Variants in TWIST1 observed in about 807,000 individuals in gnomAD.
TWIST1 encodes twist family bHLH transcription factor 1.
In TWIST1, 8 loss-of-function variants were observed where a neutral mutation model predicts 12.9. The observed-to-expected ratio is 0.62, with a 90% CI of 0.37 to 1.12. The LOEUF is 1.12. Ranked by LOEUF, TWIST1 falls within the 50% of genes most tolerant of loss-of-function variation. The probability of loss-of-function intolerance (pLI) is 0.02; values close to 1 mark genes in which losing one functional copy is unlikely to be tolerated. For missense variants in TWIST1, 268 were observed against 299.7 expected (o/e 0.89, Z 0.78); for synonymous variants, 169 against 138.7 (o/e 1.22, Z -1.54).
chr7:19,114,474 G>A (rs138795134), downstream of TWIST1, among the ~76,000 whole-genome samples: 205 of 152,230 alleles, frequency 1.3e-3, 2 homozygotes, highest in African/African-American at 4.6e-3. Flanking sequence ...GCAGTAAATC[G>A]GATGTAAAAG....
At chr7:19,113,664 C>G (rs1179174761), downstream of TWIST1, 1 of 152,032 alleles carries the variant, frequency 6.6e-6, no homozygotes, top group African/African-American at 2.4e-5. Context: ...TCATTTATTT[C>G]TCTGAAAATC....
rs1008683492 is a variant in TWIST1 at position 19,117,251 on chromosome 7, G to A, written c.71C>T (p.Pro24Leu). 3.4e-6 allele frequency: 5 copies of A among 1,457,450 alleles called. No individual in the cohort carries two copies. In the African/African-American group the frequency reaches 5.9e-5, roughly 17 times the overall value. The allele number at this position is 1,457,450 out of a possible 1,614,324, so 90.3% of individuals were successfully genotyped here. Reference sequence around the variant, plus strand: ...GCCGCTCGGCGGCTGCTGCCGGTCTGGCTCTTCCTCGCTGTTGCTCAGGCT... The same window carrying A: ...GCCGCTCGGCGGCTGCTGCCGGTCTAGCTCTTCCTCGCTGTTGCTCAGGCT... ...DDSLSNSEEE[P>L]DRQQPPSGKR... is the part of the protein sequence containing the mutation. The change falls in exon 1 of 2, where the codon CCA becomes CTA. Residue 24 changes from proline to leucine, a missense_variant. Pro to Leu is a moderately conservative substitution (Grantham distance 98). Transcript: ENST00000242261.
chr7:19,113,563 T>C (rs1788511450), downstream of TWIST1: 1 of 152,202 alleles, frequency 6.6e-6, no homozygotes, highest in Non-Finnish European at 1.5e-5. Flanking sequence ...GGGTAGGGAT[T>C]AGAATCTGCA....
intron 1 of TWIST1, 60 bp downstream of exon 1, chr7:19,116,611 C>A: frequency 7.4e-7 from 1 of 1,356,352 alleles, no homozygotes; most frequent in Non-Finnish European, 1.0e-6. Context: ...GGAACCGCGG[C>A]CTGGCCGGCC....
rs1482586295 is a variant in TWIST1 at position 19,115,784 on chromosome 7, T to C, written c.*390A>G. The C allele has an allele frequency of 6.6e-6, 1 of 151,908 alleles. No homozygotes were observed. The highest frequency in any genetic ancestry group is 1.5e-5 in the Non-Finnish European group (1 of 67,946). 9.4% of individuals were successfully genotyped at this position (151,908 alleles called of 1,614,324 possible). Reference sequence around the variant, plus strand: ...ATAGAGAAAGTCCATAGTGATGCCTTTCCTTTCAGTGGCTGATTGGCACGA... The same window carrying C: ...ATAGAGAAAGTCCATAGTGATGCCTCTCCTTTCAGTGGCTGATTGGCACGA... On this transcript the variant is annotated 3_prime_UTR_variant, in exon 2 of 2. Transcript: ENST00000242261.
Position 19,117,192 on chromosome 7 carries a change from G to C in TWIST1, c.130C>G (p.Arg44Gly). The change falls in exon 1 of 2, where the codon CGC becomes GGC. Residue 44 changes from arginine to glycine, a missense_variant. Coordinates refer to ENST00000242261, the MANE Select transcript of TWIST1 (RefSeq NM_000474.4). ...GGCCCCGCGCCGCCGCCCGCGCTGC[G>C]CCTGCTGCTGCGCCGCTTGCGTCCC... ...RGGRKRRSSR[R>G]SAGGGAGPGG... 1 of 1,231,390 alleles carries C rather than the reference G, an allele frequency of 8.1e-7. No individual in the cohort carries two copies. Among genetic ancestry groups the C allele is most frequent in the Non-Finnish European group, 1.0e-6 (1 of 980,780 alleles). 76.3% of individuals were successfully genotyped at this position (1,231,390 alleles called of 1,614,324 possible).
At chr7:19,114,595 C>CAT (rs1788530687), downstream of TWIST1, among the ~76,000 whole-genome samples, 1 of 152,170 alleles carries the variant, frequency 6.6e-6, no homozygotes, top group Non-Finnish European at 1.5e-5. Context: ...CCCCCGTTTG[C>CAT]CCATTATTGT....
In TWIST1 at chr7:19,116,146, AG is replaced by A. The variant is rs55734353; in HGVS notation, c.*43-16del. 0.83 allele frequency: 99,865 copies of A among 120,012 alleles called. 41,934 individuals are homozygous for A. Among genetic ancestry groups the A allele is most frequent in the Non-Finnish European group, 0.92 (51,961 of 56,720 alleles). 7.4% of individuals were successfully genotyped at this position (120,012 alleles called of 1,614,324 possible). A position where few individuals can be genotyped will look rare whatever the true frequency, so the allele number is the denominator to read the frequency against. On this transcript the variant is annotated splice_polypyrimidine_tract_variant and intron_variant, in intron 1 of 1. Coordinates refer to ENST00000242261, the MANE Select transcript of TWIST1 (RefSeq NM_000474.4). ...AACAATGACATCTGCAAAAACCCAG[AG>A]GGGGGGGGGGGAGTCGGTTATTGTT... is the stretch of plus-strand genomic sequence containing the variant.
chr7:19,116,922 T>G lies in TWIST1; in HGVS notation c.400A>C (p.Ile134Leu). 1 of 1,614,034 alleles carries G rather than the reference T, an allele frequency of 6.2e-7. No individual in the cohort carries two copies. Among genetic ancestry groups the G allele is most frequent in the Non-Finnish European group, 8.5e-7 (1 of 1,179,964 alleles). ...TTGTCCGAGGGCAGCGTGGGGATGA[T>G]CTTCCGCAGCGCGGCGAACGCCTCG... ...LNEAFAALRK[I>L]IPTLPSDKLS... Residue 134 changes from isoleucine (I) to leucine (L), a missense_variant, in exon 1 of 2, where the codon ATC (isoleucine) becomes CTC (leucine). This residue lies in a region of TWIST1 where 79 missense variants were observed against 127.6 expected (regional missense o/e 0.62). Transcript: ENST00000242261.
rs761081705 is a variant in TWIST1, at chr7:19,116,863, G to A, written c.459C>T (p.Ala153=). The A allele has an allele frequency of 1.9e-6, 3 of 1,614,146 alleles. No homozygotes were observed. The highest frequency in any genetic ancestry group is 2.5e-6 in the Non-Finnish European group (3 of 1,180,002). Residue 153 remains alanine, a synonymous_variant, in exon 1 of 2, where the codon GCC becomes GCT. Transcript: ENST00000242261. ...CCTGGTAGAGGAAGTCGATGTACCT[G>A]GCCGCCAGCTTGAGGGTCTGAATCT... is the stretch of plus-strand genomic sequence containing the variant. The part of the protein sequence containing the change: ...LSKIQTLKLA[A]RYIDFLYQVL...
chr7:19,117,598 G>T lies in TWIST1; in HGVS notation c.-277C>A. The T allele has an allele frequency of 9.2e-7, 1 of 1,090,154 alleles. No homozygotes were observed. The highest frequency in any genetic ancestry group is 1.1e-6 in the Non-Finnish European group (1 of 887,768). 67.5% of individuals were successfully genotyped at this position (1,090,154 alleles called of 1,614,324 possible). A position where few individuals can be genotyped will look rare whatever the true frequency, so the allele number is the denominator to read the frequency against. ...ACACCCCGCCAGGCCTCCTGGAAAC[G>T]GTGCCGGTGCTGCAGAGCCCGCGAG... On this transcript the variant is annotated 5_prime_UTR_variant, in exon 1 of 2. Coordinates refer to ENST00000242261, the MANE Select transcript of TWIST1 (RefSeq NM_000474.4).
downstream of TWIST1, chr7:19,113,552 G>A (rs1353242108): frequency 6.6e-6 from 1 of 152,168 alleles, no homozygotes; most frequent in Non-Finnish European, 1.5e-5. Flanking sequence ...TGTGTATACA[G>A]GGGTAGGGAT....
At position 19,117,427 on chromosome 7, in the gene TWIST1, G is replaced by C; in HGVS notation, c.-106C>G. 8.3e-7 allele frequency: 1 copy of C among 1,210,648 alleles called. No individual in the cohort carries two copies. The highest frequency in any genetic ancestry group is 1.0e-6 in the Non-Finnish European group (1 of 970,354). 75.0% of individuals were successfully genotyped at this position (1,210,648 alleles called of 1,614,324 possible). ...CGCGCGGCGCCGGCCCGGGCGATGC[G>C]GCCCGCGGAGGAGAGAGCAGGAGGA... On this transcript the variant is annotated 5_prime_UTR_variant, in exon 1 of 2. Coordinates refer to ENST00000242261, the MANE Select transcript of TWIST1 (RefSeq NM_000474.4).
At position 19,117,062 on chromosome 7, in the gene TWIST1, G is replaced by GC; in HGVS notation, c.259dup (p.Ala87GlyfsTer151). ...GCTGCTGCTGCCGCCGCCGCCGCCC[G>GC]CGCCGCCGCCGCCGCCACAGCCCGC... On this transcript the variant is annotated frameshift_variant, in exon 1 of 2. Transcript: ENST00000242261. LOFTEE classifies it high-confidence loss of function. 1 of 1,401,492 alleles carries GC rather than the reference G, an allele frequency of 7.1e-7. No homozygotes were observed. Among genetic ancestry groups the GC allele is most frequent in the Non-Finnish European group, 9.2e-7 (1 of 1,087,898 alleles). 86.8% of individuals were successfully genotyped at this position (1,401,492 alleles called of 1,614,324 possible). A position where few individuals can be genotyped will look rare whatever the true frequency, so the allele number is the denominator to read the frequency against.
At position 19,117,585 on chromosome 7, in the gene TWIST1, G is replaced by A. The variant is rs1057030435; in HGVS notation, c.-264C>T. 1.8e-6 allele frequency: 2 copies of A among 1,104,708 alleles called. No individual in the cohort carries two copies. The highest frequency in any genetic ancestry group is 1.7e-5 in the African/African-American group (1 of 59,814). The allele number at this position is 1,104,708 out of a possible 1,614,324, so 68.4% of individuals were successfully genotyped here. A position where few individuals can be genotyped will look rare whatever the true frequency, so the allele number is the denominator to read the frequency against. On this transcript the variant is annotated 5_prime_UTR_variant, in exon 1 of 2. Transcript: ENST00000242261. ...AACGGCTGGACGCACACCCCGCCAG[G>A]CCTCCTGGAAACGGTGCCGGTGCTG...
At chr7:19,116,362 A>T (rs542003035) in intron 1 of TWIST1, among the ~76,000 whole-genome samples, 1 of 152,326 alleles carries the variant, frequency 6.6e-6, no homozygotes, top group East Asian at 1.9e-4. Context: ...AAGCCGAAAG[A>T]AAGGGTGGCG....
In TWIST1 at chr7:19,117,207, G is replaced by T; in HGVS notation, c.115C>A (p.Arg39=). ...CCCGCGCTGCGCCTGCTGCTGCGCCGCTTGCGTCCCCCGCGCTTGCCGCTC... is the reference window on the plus strand; with the variant it reads ...CCCGCGCTGCGCCTGCTGCTGCGCCTCTTGCGTCCCCCGCGCTTGCCGCTC... ...PPSGKRGGRK[R]RSSRRSAGGG... is the part of the protein sequence containing the mutation. Residue 39 remains arginine, a synonymous_variant, in exon 1 of 2, where the codon CGG becomes AGG. Transcript: ENST00000242261. The T allele has an allele frequency of 2.9e-6, 4 of 1,366,548 alleles. No individual in the cohort carries two copies. The highest frequency in any genetic ancestry group is 3.8e-6 in the Non-Finnish European group (4 of 1,052,024). The allele number at this position is 1,366,548 out of a possible 1,614,324, so 84.7% of individuals were successfully genotyped here. A position where few individuals can be genotyped will look rare whatever the true frequency, so the allele number is the denominator to read the frequency against.
Position 19,117,456 on chromosome 7 carries a change from A to G in TWIST1, c.-135T>C, listed in dbSNP as rs1054193041. The G allele has an allele frequency of 8.4e-7, 1 of 1,185,376 alleles. No individual in the cohort carries two copies. Among genetic ancestry groups the G allele is most frequent in the African/African-American group, 1.6e-5 (1 of 61,256 alleles). The allele number at this position is 1,185,376 out of a possible 1,614,324, so 73.4% of individuals were successfully genotyped here. On this transcript the variant is annotated 5_prime_UTR_variant, in exon 1 of 2. Coordinates refer to ENST00000242261, the MANE Select transcript of TWIST1 (RefSeq NM_000474.4). ...CGCGGAGGAGAGAGCAGGAGGACGGACGGGAGGGACCTCCGCGGGGAGGGC... is the reference window on the plus strand; with the variant it reads ...CGCGGAGGAGAGAGCAGGAGGACGGGCGGGAGGGACCTCCGCGGGGAGGGC...
At position 19,117,427 on chromosome 7, in the gene TWIST1, G is replaced by A; in HGVS notation, c.-106C>T. On this transcript the variant is annotated 5_prime_UTR_variant, in exon 1 of 2. Transcript: ENST00000242261. ...CGCGCGGCGCCGGCCCGGGCGATGC[G>A]GCCCGCGGAGGAGAGAGCAGGAGGA... The A allele has an allele frequency of 4.1e-6, 5 of 1,210,648 alleles. No homozygotes were observed. The highest frequency in any genetic ancestry group is 5.2e-6 in the Non-Finnish European group (5 of 970,354). 75.0% of individuals were successfully genotyped at this position (1,210,648 alleles called of 1,614,324 possible).
Sources: allele counts gnomAD v4.1 joint callset (sites outside exome capture counted in the v4.1 genomes callset), GRCh38; gene constraint gnomAD v4.1.1; regional missense constraint gnomAD v4.1.1; transcripts MANE v1.5; gene names NCBI Gene and HGNC (gene_info 2026-07-23, HGNC 2026-07-21).